The following RGR variants were observed in gnomAD, a reference collection of about 807,000 sequenced individuals.
The protein encoded by RGR is RPE-retinal G protein-coupled receptor.
Under a neutral mutation model 28.6 loss-of-function variants are expected in RGR, and 30 were observed. The observed-to-expected ratio is 1.05, with a 90% CI of 0.78 to 1.42. The LOEUF (loss-of-function observed/expected upper bound fraction) is 1.42. RGR is among the 40% of genes most tolerant of loss of function. RGR has a pLI of 0.00. For missense variants in RGR, 404 were observed against 375.6 expected, an observed-to-expected ratio of 1.08 and a Z score of -0.62; for synonymous variants, 180 against 156.4, an observed-to-expected ratio of 1.15 and a Z score of -1.13.
At chr10:84,253,116 C>A (rs1298576871) in intron 4 of RGR, 106 bp downstream of exon 4, 1 of 1,287,102 alleles carries the variant, frequency 7.8e-7, no homozygotes, top group Non-Finnish European at 1.1e-6. Flanking sequence ...GAAATGTCAA[C>A]GTTTGCCAGA....
intron 1 of RGR, among the ~76,000 whole-genome samples, chr10:84,245,545 A>G (rs1241090561): frequency 2.0e-5 from 3 of 152,298 alleles, no homozygotes; most frequent in African/African-American, 4.8e-5. Context: ...TCAGTCCCCC[A>G]AAAGGCTCTG....
chr10:84,246,143 G>T (rs1375061285), intron 1 of RGR, among the ~76,000 whole-genome samples: 1 of 152,042 alleles, frequency 6.6e-6, no homozygotes, highest in Non-Finnish European at 1.5e-5. Flanking sequence ...TTTTTGGAAG[G>T]GGTTTAAATT....
chr10:84,247,478 T>C, intron 1 of RGR, 113 bp from the exon 2 acceptor site: 3 of 1,247,858 alleles, frequency 2.4e-6, no homozygotes, highest in East Asian at 4.6e-5. Flanking sequence ...CTATATTGAT[T>C]GTCTTCCTTG....
chr10:84,245,232 A>G, intron 1 of RGR, 63 bp downstream of exon 1: 1 of 1,540,084 alleles, frequency 6.5e-7, no homozygotes. Context: ...CCAGGCCACC[A>G]GTGTGGAGCT....
At chr10:84,249,964 G>A (rs1047180128) in intron 3 of RGR, among the ~76,000 whole-genome samples, 1 of 152,046 alleles carries the variant, frequency 6.6e-6, no homozygotes, top group African/African-American at 2.4e-5. Flanking sequence ...GGAAATCACA[G>A]GTTTAATGTT....
At position 84,257,965 on chromosome 10, in the gene RGR, G is replaced by C. The variant is rs776429279; in HGVS notation, c.703G>C (p.Val235Leu). ...CTATGCCATCCTGTATCTATACGCA[G>C]TCATCGCAGACGTGACTTCCATCTC... Reference protein sequence around the residue: ...GPYAILYLYAVIADVTSISPK... With the variant: ...GPYAILYLYALIADVTSISPK... Residue 235 changes from valine to leucine, a missense_variant, in exon 6 of 7, where the codon GTC (valine) becomes CTC (leucine). By Grantham distance (32) the Val-to-Leu change is conservative. Transcript: ENST00000652092. 3.1e-6 allele frequency: 5 copies of C among 1,614,068 alleles called. No individual in the cohort carries two copies. In the East Asian group the frequency reaches 1.1e-4, roughly 36 times the overall value.
In RGR at chr10:84,258,804, A is replaced by C. The variant is rs1176255601; in HGVS notation, c.*165A>C. 1.0e-6 allele frequency: 1 copy of C among 1,002,584 alleles called. No individual in the cohort carries two copies. Among genetic ancestry groups the C allele is most frequent in the East Asian group, 2.6e-5 (1 of 37,800 alleles). 62.1% of individuals were successfully genotyped at this position (1,002,584 alleles called of 1,614,324 possible). A position where few individuals can be genotyped will look rare whatever the true frequency, so the allele number is the denominator to read the frequency against. Reference sequence around the variant, plus strand: ...CAGAAAGACACCAGGCTGCACAGAAAGAGCCAGATGGACCTGAGTGTCGGT... The same window carrying C: ...CAGAAAGACACCAGGCTGCACAGAACGAGCCAGATGGACCTGAGTGTCGGT... On this transcript the variant is annotated 3_prime_UTR_variant, in exon 7 of 7. Transcript: ENST00000652092.
intron 6 of RGR, 51 bp downstream of exon 6, chr10:84,258,057 C>T (rs1410836268): frequency 2.1e-6 from 3 of 1,446,324 alleles, no homozygotes; most frequent in East Asian, 2.3e-5. Flanking sequence ...TCTTTGTTCT[C>T]TGTCTCATCT....
Position 84,254,449 on chromosome 10 carries a change from G to A in RGR, c.630+6G>A, listed in dbSNP as rs753369140. 8.1e-6 allele frequency: 13 copies of A among 1,610,836 alleles called. No individual in the cohort carries two copies. The highest frequency in any genetic ancestry group is 1.1e-5 in the Non-Finnish European group (13 of 1,177,152). ...GGAAGAGTGGCCATCTCCAGGTAAG[G>A]ACCCCCTTCCGGAGTGTTATCTGAT... On this transcript the variant is annotated splice_donor_region_variant and intron_variant, in intron 5 of 6. Transcript: ENST00000652092.
intron 2 of RGR, chr10:84,248,574 C>G (rs1842776262): frequency 2.5e-6 from 1 of 394,298 alleles, no homozygotes; most frequent in African/African-American, 2.0e-5. Context: ...CCTTCATCTT[C>G]TGTGTGACCT....
chr10:84,257,858 G>T (rs370596989), intron 5 of RGR, 35 bp from the exon 6 acceptor site: 4 of 1,599,224 alleles, frequency 2.5e-6, no homozygotes, highest in Middle Eastern at 1.8e-4. Flanking sequence ...GCCACCTGGA[G>T]CAAGCTGACA....
In RGR at chr10:84,247,607, C is replaced by T. The variant is rs1042248680; in HGVS notation, c.96C>T (p.Ser32=). Residue 32 remains serine (S), a synonymous_variant, in exon 2 of 7, where the codon AGC becomes AGT. Transcript: ENST00000652092. The part of the protein sequence containing the change: ...VLLVEALSGL[S]LNTLTIFSFC... ...TCCTTTCAGCTCTCTCCGGTCTCAGCCTCAATACCCTGACCATCTTCTCTT... is the reference window on the plus strand; with the variant it reads ...TCCTTTCAGCTCTCTCCGGTCTCAGTCTCAATACCCTGACCATCTTCTCTT... 2.5e-6 allele frequency: 4 copies of T among 1,614,072 alleles called. No individual in the cohort carries two copies. In the African/African-American group the frequency reaches 4.0e-5, roughly 16 times the overall value.
intron 2 of RGR, 44 bp downstream of exon 2, chr10:84,247,791 G>A (rs1412479345): frequency 1.2e-6 from 2 of 1,613,176 alleles, no homozygotes; most frequent in South Asian, 2.2e-5. Flanking sequence ...GGTCCTGCCT[G>A]GGGCCTGACC....
At position 84,258,092 on chromosome 10, in the gene RGR, C is replaced by T. The variant is rs901282270; in HGVS notation, c.744+86C>T. ...TCATCTCACTTTCTGGATTTATGAC[C>T]TCTGTGTCAGTCTCTTCCTTTCTGT... On this transcript the variant is annotated intron_variant, in intron 6 of 6. Transcript: ENST00000652092. 1.0e-5 allele frequency: 12 copies of T among 1,180,336 alleles called. No individual in the cohort carries two copies. The East Asian group carries it at 3.0e-4, about 29-fold the overall frequency. 73.1% of individuals were successfully genotyped at this position (1,180,336 alleles called of 1,614,324 possible). A position where few individuals can be genotyped will look rare whatever the true frequency, so the allele number is the denominator to read the frequency against.
intron 2 of RGR, 125 bp from the exon 3 acceptor site, chr10:84,248,797 A>G: frequency 6.4e-7 from 1 of 1,573,758 alleles, no homozygotes; most frequent in Non-Finnish European, 8.7e-7. Context: ...AAAGACACCA[A>G]TATTAAGGCC....
intron 1 of RGR, among the ~76,000 whole-genome samples, chr10:84,245,675 A>T (rs1480683528): frequency 1.3e-5 from 2 of 152,216 alleles, no homozygotes; most frequent in Non-Finnish European, 1.5e-5. Flanking sequence ...GATAATGGGT[A>T]TAAAGTGCTA....
chr10:84,249,081 G>A (rs781350463), intron 3 of RGR, 38 bp downstream of exon 3: 6 of 1,612,080 alleles, frequency 3.7e-6, no homozygotes, highest in African/African-American at 1.3e-5. Flanking sequence ...GGACACCGAT[G>A]CAGTGTGGAG....
chr10:84,252,086 T>C (rs1025022468), intron 3 of RGR, among the ~76,000 whole-genome samples: 1 of 152,164 alleles, frequency 6.6e-6, no homozygotes, highest in Non-Finnish European at 1.5e-5. Flanking sequence ...GAGGAACCAC[T>C]GAATGGGAAG....
chr10:84,252,120 A>AG (rs1554823720), intron 3 of RGR, among the ~76,000 whole-genome samples: 4 of 152,156 alleles, frequency 2.6e-5, no homozygotes, highest in Non-Finnish European at 5.9e-5. Context: ...TGCAGCAGAG[A>AG]GGGGGGCTTC....
Sources: gnomAD v4.1 joint callset for allele counts (sites outside exome capture counted in the v4.1 genomes callset) on GRCh38, gnomAD v4.1.1 for gene constraint, MANE v1.5 for transcripts, NCBI Gene and HGNC (gene_info 2026-07-23, HGNC 2026-07-21) for gene names.